Variants in SDK1 observed in about 807,000 individuals in gnomAD.
The protein encoded by SDK1 is sidekick cell adhesion molecule 1.
SDK1 carries 157 observed loss-of-function variants against 245.5 expected under a neutral mutation model. That is an observed-to-expected ratio of 0.64 (90% CI 0.56 to 0.73). SDK1 has a LOEUF of 0.73. Ranked by LOEUF, SDK1 falls within the 30% of genes least tolerant of loss-of-function variation. The probability of loss-of-function intolerance (pLI) is 0.00; values close to 1 mark genes in which losing one functional copy is unlikely to be tolerated. For synonymous variants in SDK1, 1,647 were observed against 1,278.5 expected (o/e 1.29, Z -6.15); for missense variants, 3,583 against 3,002.3 (o/e 1.19, Z -4.52).
intron 4 of SDK1, among the ~76,000 whole-genome samples, chr7:3,723,231 A>G (rs971568921): frequency 1.3e-5 from 2 of 152,220 alleles, no homozygotes. Flanking sequence ...GACAGTAAAT[A>G]AGTTAGACCA....
At chr7:4,115,160 G>C (rs972143380) in intron 25 of SDK1, among the ~76,000 whole-genome samples, 1 of 152,214 alleles carries the variant, frequency 6.6e-6, no homozygotes, top group Non-Finnish European at 1.5e-5. Context: ...ACTGTCACCT[G>C]ACCCCGGTCC....
intron 14 of SDK1, among the ~76,000 whole-genome samples, chr7:4,006,301 G>C (rs575026662): frequency 6.6e-6 from 1 of 152,168 alleles, no homozygotes. Flanking sequence ...TCTGTAGAAC[G>C]GAGCCTGGCT....
At chr7:3,402,051 G>C (rs1198683577) in intron 1 of SDK1, among the ~76,000 whole-genome samples, 1 of 152,132 alleles carries the variant, frequency 6.6e-6, no homozygotes, top group East Asian at 1.9e-4. Flanking sequence ...ACTGGATCCT[G>C]TCCTCATGGA....
At chr7:3,397,836 C>T (rs1174909381) in intron 1 of SDK1, among the ~76,000 whole-genome samples, 1 of 151,986 alleles carries the variant, frequency 6.6e-6, no homozygotes, top group Non-Finnish European at 1.5e-5. Context: ...ACACTTTTTT[C>T]CATTAGAGCT....
intron 4 of SDK1, among the ~76,000 whole-genome samples, chr7:3,760,903 G>C (rs1780078240): frequency 6.6e-6 from 1 of 152,318 alleles, no homozygotes; most frequent in African/African-American, 2.4e-5. Flanking sequence ...GAGTAGTGAA[G>C]TATTTCATTG....
chr7:3,675,544 C>A (rs970680443), intron 4 of SDK1, among the ~76,000 whole-genome samples: 11 of 138,988 alleles, frequency 7.9e-5, no homozygotes, highest in African/African-American at 2.9e-4. Context: ...TACCTTTCTT[C>A]CTCCCCCTAC....
intron 1 of SDK1, among the ~76,000 whole-genome samples, chr7:3,310,824 G>T (rs530843992): frequency 1.3e-5 from 2 of 152,186 alleles, no homozygotes; most frequent in East Asian, 3.8e-4. Context: ...TGCTAGCTTT[G>T]CATCCTTGGG....
intron 1 of SDK1, among the ~76,000 whole-genome samples, chr7:3,354,084 C>T (rs1278341963): frequency 6.6e-6 from 1 of 151,794 alleles, no homozygotes; most frequent in African/African-American, 2.4e-5. Context: ...GCTCCGCCTC[C>T]TGGGTTCACA....
chr7:3,773,233 C>T (rs546783954), intron 4 of SDK1, among the ~76,000 whole-genome samples: 4 of 152,208 alleles, frequency 2.6e-5, no homozygotes, highest in Non-Finnish European at 5.9e-5. Context: ...CACTTTTCTT[C>T]AATCTTTTTT....
intron 5 of SDK1, among the ~76,000 whole-genome samples, chr7:3,917,310 G>A (rs532908630): frequency 2.0e-5 from 3 of 152,212 alleles, no homozygotes; most frequent in Non-Finnish European, 4.4e-5. Flanking sequence ...GAACCTCTGT[G>A]TTCTGTTGGT....
In SDK1 at chr7:3,950,965, T is replaced by C. The variant is rs142636408; in HGVS notation, c.890T>C (p.Val297Ala). 4 of 1,613,944 alleles carry C rather than the reference T, an allele frequency of 2.5e-6. No homozygotes were observed. The African/African-American group carries it at 5.3e-5, about 22-fold the overall frequency. ...GAAACCATGGCCCCAACCATTGTGG[T>C]TCCCCCGGGCAACAGAAGTGTGGTG... ...TPETMAPTIV[V>A]PPGNRSVVAG... The change falls in exon 6 of 45, where the codon GTT (valine) becomes GCT (alanine). Residue 297 changes from valine (V) to alanine (A), a missense_variant. Physicochemically the swap from Val to Ala is moderately conservative, Grantham distance 64. Coordinates refer to ENST00000404826, the MANE Select transcript of SDK1 (RefSeq NM_152744.4).
At chr7:3,887,223 C>G (rs115864595) in intron 5 of SDK1, among the ~76,000 whole-genome samples, 2,275 of 152,112 alleles carry the variant, frequency 0.015, 67 homozygotes, top group African/African-American at 0.052. Context: ...CAGCAGTAGC[C>G]CTGGCAAATC....
chr7:3,950,247 A>G (rs961630163), intron 5 of SDK1, among the ~76,000 whole-genome samples: 1 of 152,216 alleles, frequency 6.6e-6, no homozygotes, highest in Non-Finnish European at 1.5e-5. Flanking sequence ...GAGAAAGGCC[A>G]GGGACAGTGA....
In SDK1 at chr7:3,753,127, A is replaced by G. The variant is rs1250699963; in HGVS notation, c.714-68323A>G. 3.3e-5 allele frequency among the ~76,000 whole-genome samples: 5 copies of G among 152,216 alleles called. No individual in the cohort carries two copies. The East Asian group carries it at 9.6e-4, about 29-fold the overall frequency. On this transcript the variant is annotated intron_variant, in intron 4 of 44. Coordinates refer to ENST00000404826, the MANE Select transcript of SDK1 (RefSeq NM_152744.4). ...GGGATCAAAAATTGAGAGAACTAGG[A>G]TGGCGGCAATATTTTCAGGAATGGT... is the stretch of plus-strand genomic sequence containing the variant.
intron 4 of SDK1, among the ~76,000 whole-genome samples, chr7:3,658,513 T>G (rs1039337046): frequency 1.3e-5 from 2 of 151,804 alleles, no homozygotes; most frequent in African/African-American, 4.8e-5. Context: ...TATTGAGATG[T>G]AATTTACCTA....
intron 1 of SDK1, among the ~76,000 whole-genome samples, chr7:3,347,874 TACAA>T (rs1344308267): frequency 7.1e-6 from 1 of 141,308 alleles, no homozygotes; most frequent in Admixed American, 7.1e-5. Context: ...TCGAGCCAGT[TACAA>T]ACACATTAAA....
At chr7:3,859,142 G>A (rs1439069149) in intron 5 of SDK1, among the ~76,000 whole-genome samples, 4 of 152,112 alleles carry the variant, frequency 2.6e-5, no homozygotes, top group African/African-American at 4.8e-5. Context: ...GATTACAGGC[G>A]TGAGCCACCA....
At chr7:3,594,474 A>G (rs1780987076) in intron 1 of SDK1, among the ~76,000 whole-genome samples, 1 of 152,134 alleles carries the variant, frequency 6.6e-6, no homozygotes, top group African/African-American at 2.4e-5. Context: ...ATACCTAAGG[A>G]TGGAATTACT....
intron 1 of SDK1, among the ~76,000 whole-genome samples, chr7:3,605,426 A>G (rs1396070476): frequency 1.3e-5 from 2 of 152,250 alleles, no homozygotes; most frequent in East Asian, 1.9e-4. Flanking sequence ...TGAACTGCTG[A>G]GTCTCATCTA....
Sources: gnomAD v4.1 joint callset for allele counts (sites outside exome capture counted in the v4.1 genomes callset) on GRCh38, gnomAD v4.1.1 for gene constraint, MANE v1.5 for transcripts, NCBI Gene and HGNC (gene_info 2026-07-23, HGNC 2026-07-21) for gene names.